Variants in METTL24 observed in about 807,000 individuals in gnomAD.
The protein encoded by METTL24 is methyltransferase like 24.
METTL24 carries 29 observed loss-of-function variants against 32.7 expected under a neutral mutation model. The ratio of observed to expected loss-of-function variants is 0.89; its 90% CI spans 0.66 to 1.21. METTL24 has a LOEUF of 1.21. Among genes scored for constraint, METTL24 ranks in the 50% most tolerant of loss-of-function variants. The pLI is 0.00. For synonymous variants in METTL24, 163 were observed against 179.5 expected (o/e 0.91, Z 0.73); for missense variants, 439 against 468.1 (o/e 0.94, Z 0.57).
Position 110,244,076 on chromosome 6 carries a change from C to T in METTL24, c.*1870G>A, listed in dbSNP as rs117431388. 0.027 allele frequency among the ~76,000 whole-genome samples: 4,055 copies of T among 152,222 alleles called. 66 individuals carry two copies. The highest frequency in any genetic ancestry group is 0.042 in the Non-Finnish European group (2,836 of 68,016). ...ACTTAACTTTTAATGTAGAAAGGAT[C>T]GGTGCTATTGAAAAACTGTCTAACT... is the stretch of plus-strand genomic sequence containing the variant. On this transcript the variant is annotated 3_prime_UTR_variant, in exon 5 of 5. Coordinates refer to ENST00000338882, the MANE Select transcript of METTL24 (RefSeq NM_001123364.3).
intron 4 of METTL24, among the ~76,000 whole-genome samples, chr6:110,262,741 T>C (rs1232258354): frequency 6.6e-6 from 1 of 152,204 alleles, no homozygotes; most frequent in South Asian, 2.1e-4. Context: ...ACAAACCGAA[T>C]CCAGCAGCAT....
chr6:110,345,320 G>A (rs1020571920), intron 1 of METTL24, among the ~76,000 whole-genome samples: 4 of 152,188 alleles, frequency 2.6e-5, no homozygotes, highest in Non-Finnish European at 4.4e-5. Context: ...ATTTATACAC[G>A]GTTGGTGGGA....
chr6:110,305,413 T>A (rs1195201636), intron 3 of METTL24, among the ~76,000 whole-genome samples: 3 of 151,598 alleles, frequency 2.0e-5, no homozygotes, highest in Non-Finnish European at 4.4e-5. Context: ...GGAAAAAAAA[T>A]TTGCAATCTA....
At position 110,336,723 on chromosome 6, in the gene METTL24, A is replaced by G. The variant is rs577480771; in HGVS notation, c.319-13851T>C. ...CACTGCACTCCAGCCTGGGCGACAC[A>G]GCAAGACTCCGCCTCAAAAAAAAAA... On this transcript the variant is annotated intron_variant, in intron 1 of 4. Coordinates refer to ENST00000338882, the MANE Select transcript of METTL24 (RefSeq NM_001123364.3). Among the ~76,000 whole-genome samples, 30 of 141,532 alleles carry G rather than the reference A, an allele frequency of 2.1e-4. 1 individual carries two copies. In the South Asian group the frequency reaches 5.1e-3, roughly 24 times the overall value. The allele number at this position is 141,532 out of a possible 152,430, so 92.9% of individuals were successfully genotyped here.
chr6:110,278,205 T>C (rs1332260127), intron 4 of METTL24, among the ~76,000 whole-genome samples: 1 of 152,160 alleles, frequency 6.6e-6, no homozygotes, highest in Non-Finnish European at 1.5e-5. Flanking sequence ...CGTGTGTGAA[T>C]TGTGAAAAGG....
chr6:110,248,786 T>G (rs1257753571), intron 4 of METTL24, among the ~76,000 whole-genome samples: 1 of 151,912 alleles, frequency 6.6e-6, no homozygotes, highest in African/African-American at 2.4e-5. Context: ...AATAAAACAT[T>G]ATTAATAAAG....
At chr6:110,306,740 C>T (rs1414042073) in intron 3 of METTL24, among the ~76,000 whole-genome samples, 1 of 152,084 alleles carries the variant, frequency 6.6e-6, no homozygotes, top group African/African-American at 2.4e-5. Flanking sequence ...AGTTTGTGGT[C>T]ACGTAAAAAG....
intron 4 of METTL24, among the ~76,000 whole-genome samples, chr6:110,288,880 C>T (rs913089247): frequency 2.0e-5 from 3 of 152,072 alleles, no homozygotes; most frequent in African/African-American, 4.8e-5. Context: ...AAGCCAGGGG[C>T]GGGAGTGGAA....
intron 3 of METTL24, among the ~76,000 whole-genome samples, chr6:110,301,875 C>T (rs1771521796): frequency 6.6e-6 from 1 of 152,084 alleles, no homozygotes; most frequent in African/African-American, 2.4e-5. Context: ...GTAGAACTCA[C>T]CTATCCAAAA....
At chr6:110,260,263 TC>T (rs1417917077) in intron 4 of METTL24, among the ~76,000 whole-genome samples, 1 of 151,838 alleles carries the variant, frequency 6.6e-6, no homozygotes, top group Non-Finnish European at 1.5e-5. Context: ...TGCAGAGAAG[TC>T]CTTAAAGGAC....
rs185518567 is a variant in METTL24, at chr6:110,275,826, A to C, written c.786+23096T>G. Among the ~76,000 whole-genome samples the C allele has an allele frequency of 3.3e-5, 5 of 152,360 alleles. No individual in the cohort carries two copies. The East Asian group carries it at 9.6e-4, about 29-fold the overall frequency. ...AGATAGTAGTTAATATATAACAAGCATTAATTAACAATGTATGGTTCACCT... is the reference window on the plus strand; with the variant it reads ...AGATAGTAGTTAATATATAACAAGCCTTAATTAACAATGTATGGTTCACCT... On this transcript the variant is annotated intron_variant, in intron 4 of 4. Transcript: ENST00000338882.
intron 4 of METTL24, among the ~76,000 whole-genome samples, chr6:110,265,172 AG>A (rs1770831639): frequency 1.3e-5 from 2 of 149,852 alleles, no homozygotes; most frequent in African/African-American, 5.0e-5. Flanking sequence ...AAAGAAAGAA[AG>A]AAAGAAAGAA....
chr6:110,289,482 C>CT lies in METTL24; in HGVS notation c.786+9439dup, dbSNP rs373678382. Among the ~76,000 whole-genome samples the CT allele has an allele frequency of 8.7e-3, 1,277 of 147,540 alleles. 13 individuals are homozygous for CT. The highest frequency in any genetic ancestry group is 0.027 in the African/African-American group (1,081 of 40,348). ...AAACCTTGGAAGTGAAAAATATAGT[C>CT]TTTTTTTTTTGTAAAAATACCAATA... On this transcript the variant is annotated intron_variant, in intron 4 of 4. Coordinates refer to ENST00000338882, the MANE Select transcript of METTL24 (RefSeq NM_001123364.3).
intron 1 of METTL24, among the ~76,000 whole-genome samples, chr6:110,325,142 G>A (rs554251991): frequency 1.3e-5 from 2 of 152,100 alleles, no homozygotes; most frequent in South Asian, 2.1e-4. Context: ...AGCTAGGCCC[G>A]GGGTTTAAAA....
At chr6:110,336,187 T>G (rs565284926) in intron 1 of METTL24, among the ~76,000 whole-genome samples, 17 of 152,304 alleles carry the variant, frequency 1.1e-4, no homozygotes, top group Non-Finnish European at 2.1e-4. Flanking sequence ...GGGAAAGGAT[T>G]TGGGCCTTTC....
chr6:110,310,426 C>T (rs1050160694), intron 3 of METTL24, among the ~76,000 whole-genome samples: 3 of 152,118 alleles, frequency 2.0e-5, no homozygotes, highest in Non-Finnish European at 4.4e-5. Context: ...CCTCCCCTCC[C>T]CTCCACTGCT....
intron 1 of METTL24, among the ~76,000 whole-genome samples, chr6:110,334,473 G>A (rs933613827): frequency 3.9e-5 from 6 of 152,048 alleles, no homozygotes; most frequent in Admixed American, 6.6e-5. Flanking sequence ...GGACATTGAC[G>A]GGAAGCAAAG....
At chr6:110,331,098 A>C (rs1230810207) in intron 1 of METTL24, among the ~76,000 whole-genome samples, 1 of 152,220 alleles carries the variant, frequency 6.6e-6, no homozygotes, top group Admixed American at 6.5e-5. Context: ...CCAAATGGAA[A>C]TTCCAGAACA....
intron 1 of METTL24, among the ~76,000 whole-genome samples, chr6:110,345,255 T>C (rs888415487): frequency 1.3e-5 from 2 of 152,088 alleles, no homozygotes; most frequent in African/African-American, 4.8e-5. Flanking sequence ...AAGAAGGCTA[T>C]TATTAAAAAG....
Sources: gnomAD v4.1 joint callset for allele counts (sites outside exome capture counted in the v4.1 genomes callset) on GRCh38, gnomAD v4.1.1 for gene constraint, MANE v1.5 for transcripts, NCBI Gene and HGNC (gene_info 2026-07-23, HGNC 2026-07-21) for gene names.